Variants in TBXAS1 observed in about 807,000 individuals in gnomAD.
The protein encoded by TBXAS1 is thromboxane A synthase 1.
Under a neutral mutation model 60.7 loss-of-function variants are expected in TBXAS1, and 48 were observed. The observed-to-expected ratio is 0.79, with a 90% confidence interval of 0.63 to 1.01. The LOEUF (loss-of-function observed/expected upper bound fraction) is 1.01, where lower values mean the gene tolerates loss of function less well. TBXAS1 is among the 50% of genes least tolerant of loss of function. The pLI is 0.00. For missense variants in TBXAS1, 685 were observed against 686.3 expected, an observed-to-expected ratio of 1.00 and a Z score of 0.02; for synonymous variants, 287 against 269.7, an observed-to-expected ratio of 1.06 and a Z score of -0.63.
intron 9 of TBXAS1, among the ~76,000 whole-genome samples, chr7:139,989,866 C>T (rs1812762116): frequency 6.6e-6 from 1 of 152,172 alleles, no homozygotes; most frequent in Non-Finnish European, 1.5e-5. Context: ...CCTGCCTGTC[C>T]TGCCTTATAA....
At chr7:139,834,215 T>C (rs1798910588) in intron 1 of TBXAS1, among the ~76,000 whole-genome samples, 1 of 152,144 alleles carries the variant, frequency 6.6e-6, no homozygotes, top group South Asian at 2.1e-4. Context: ...TGAATGAGCA[T>C]TGGGTAAAAA....
chr7:139,963,962 G>A (rs1053762842), intron 9 of TBXAS1, among the ~76,000 whole-genome samples: 1 of 152,170 alleles, frequency 6.6e-6, no homozygotes, highest in Non-Finnish European at 1.5e-5. Context: ...AGCCTGTCAA[G>A]AGTGTCTGGG....
intron 3 of TBXAS1, among the ~76,000 whole-genome samples, chr7:139,893,325 GACACACACACACACAC>G (rs71170920): frequency 3.6e-5 from 5 of 139,878 alleles, no homozygotes; most frequent in Non-Finnish European, 7.7e-5. Flanking sequence ...CTATGGAATA[GACACACACACACACAC>G]ACACACACAC....
chr7:139,869,513 G>A (rs1400031601), intron 1 of TBXAS1, among the ~76,000 whole-genome samples: 3 of 151,976 alleles, frequency 2.0e-5, no homozygotes, highest in Non-Finnish European at 4.4e-5. Flanking sequence ...TTAGCCTCCC[G>A]ATTTGCTAGG....
At chr7:139,818,294 TCAGGTGGGTG>T (rs1798205377) in intron 4 of TBXAS1, among the ~76,000 whole-genome samples, 2 of 152,058 alleles carry the variant, frequency 1.3e-5, no homozygotes, top group African/African-American at 4.8e-5. Context: ...CTGTTGTAAC[TCAGGTGGGTG>T]CAGGTACAAG....
chr7:139,996,080 C>T (rs957571051), intron 9 of TBXAS1, among the ~76,000 whole-genome samples: 1 of 152,060 alleles, frequency 6.6e-6, no homozygotes, highest in Non-Finnish European at 1.5e-5. Flanking sequence ...GTGATCCTTC[C>T]ACCTCGGCCT....
At chr7:139,902,465 A>G (rs997244539) in intron 3 of TBXAS1, among the ~76,000 whole-genome samples, 1 of 152,160 alleles carries the variant, frequency 6.6e-6, no homozygotes. Context: ...AAATTGCTGC[A>G]TAGTATTCCG....
Position 139,975,168 on chromosome 7 carries a change from A to C in TBXAS1, c.1134+12935A>C, listed in dbSNP as rs1202235523. Among the ~76,000 whole-genome samples, 1 of 152,174 alleles carries C rather than the reference A, an allele frequency of 6.6e-6. No homozygotes were observed. Among genetic ancestry groups the C allele is most frequent in the Non-Finnish European group, 1.5e-5 (1 of 68,036 alleles). ...TGGATGAGGCACGCCCATATTATTGAGGATAATCTCCTCAAAGTCAGCTGA... is the reference window on the plus strand; with the variant it reads ...TGGATGAGGCACGCCCATATTATTGCGGATAATCTCCTCAAAGTCAGCTGA... On this transcript the variant is annotated intron_variant, in intron 9 of 12. Coordinates refer to ENST00000448866, the MANE Select transcript of TBXAS1 (RefSeq NM_001061.7). This position sits in a 1 kb window ranked among gnomAD's most constrained non-coding sequence, Gnocchi z 4.4.
At chr7:139,872,349 G>T (rs1199896527) in intron 2 of TBXAS1, 21 bp downstream of exon 2, 2 of 1,608,896 alleles carry the variant, frequency 1.2e-6, no homozygotes, top group Non-Finnish European at 1.7e-6. Context: ...TCTTCCATTG[G>T]CTTCCATCAT....
chr7:139,878,984 C>T (rs1282637755), intron 3 of TBXAS1, among the ~76,000 whole-genome samples: 1 of 152,068 alleles, frequency 6.6e-6, no homozygotes, highest in Admixed American at 6.5e-5. Flanking sequence ...CCTCACTGCT[C>T]GAGACTGGAA....
rs200093421 is a variant in TBXAS1 at position 140,020,084 on chromosome 7, G to A, written c.1587G>A (p.Lys529=). Residue 529 remains lysine, a synonymous_variant, in exon 13 of 13, where the codon AAG becomes AAA. Coordinates refer to ENST00000448866, the MANE Select transcript of TBXAS1 (RefSeq NM_001061.7). ...GTCCAAAAAATGGTGTCTATATCAA[G>A]ATCGTATCCCGCTGACACAGAAGGC... is the stretch of plus-strand genomic sequence containing the variant. The part of the protein sequence containing the change: ...ALGPKNGVYI[K]IVSR The A allele has an allele frequency of 1.0e-4, 169 of 1,613,648 alleles. 2 individuals are homozygous for A. In the East Asian group the frequency reaches 3.4e-3, roughly 33 times the overall value.
At chr7:139,786,616 C>T (rs1226682216) in intron 3 of TBXAS1, among the ~76,000 whole-genome samples, 1 of 152,028 alleles carries the variant, frequency 6.6e-6, no homozygotes, top group African/African-American at 2.4e-5. Context: ...CACGTGGTTG[C>T]CTGCTGCCTA....
intron 7 of TBXAS1, among the ~76,000 whole-genome samples, chr7:139,956,180 G>A (rs967417176): frequency 1.3e-5 from 2 of 151,954 alleles, no homozygotes; most frequent in Non-Finnish European, 2.9e-5. Flanking sequence ...GAGTTTCGCT[G>A]TTGTTGTCCA....
chr7:139,867,887 C>A (rs535834137), intron 1 of TBXAS1, among the ~76,000 whole-genome samples: 24 of 151,756 alleles, frequency 1.6e-4, no homozygotes, highest in Non-Finnish European at 3.4e-4. Context: ...AGATAAAATA[C>A]AGGAAATTTT....
chr7:139,878,129 GA>G (rs1278400464), intron 3 of TBXAS1, among the ~76,000 whole-genome samples: 3 of 150,960 alleles, frequency 2.0e-5, no homozygotes, highest in Admixed American at 6.6e-5. Flanking sequence ...GAGAGAGAGA[GA>G]AGGAGAGAGA....
chr7:139,985,969 T>A (rs533887057), intron 9 of TBXAS1, among the ~76,000 whole-genome samples: 2 of 152,364 alleles, frequency 1.3e-5, no homozygotes, highest in East Asian at 3.9e-4. Flanking sequence ...TGGCAGGGCC[T>A]GGTCTCCAGG....
chr7:140,007,248 C>A, intron 10 of TBXAS1, 66 bp downstream of exon 10: 2 of 1,414,676 alleles, frequency 1.4e-6, no homozygotes, highest in African/African-American at 2.8e-5. Flanking sequence ...CCCCAGCCTG[C>A]AGGTCAGGGC....
At chr7:139,839,113 T>C (rs1157328729) in intron 1 of TBXAS1, among the ~76,000 whole-genome samples, 1 of 152,172 alleles carries the variant, frequency 6.6e-6, no homozygotes, top group Non-Finnish European at 1.5e-5. Flanking sequence ...GATTGCTTTA[T>C]TCTTTAAGAT....
At chr7:139,801,145 A>G (rs1195200132) in intron 4 of TBXAS1, among the ~76,000 whole-genome samples, 1 of 152,224 alleles carries the variant, frequency 6.6e-6, no homozygotes, top group African/African-American at 2.4e-5. Context: ...TCAAGGACAG[A>G]CCACATTTTT....
Sources: allele counts gnomAD v4.1 joint callset (sites outside exome capture counted in the v4.1 genomes callset), GRCh38; gene constraint gnomAD v4.1.1; non-coding constraint Gnocchi (gnomAD v3.1); transcripts MANE v1.5; gene names NCBI Gene and HGNC (gene_info 2026-07-23, HGNC 2026-07-21).